Variants in TULP3 observed in about 807,000 individuals in gnomAD.
TULP3 encodes the protein tubby-related protein 3.
Under a neutral mutation model 50.7 loss-of-function variants are expected in TULP3, and 38 were observed. The observed-to-expected ratio is 0.75, with a 90% CI of 0.58 to 0.98. The LOEUF (loss-of-function observed/expected upper bound fraction) is 0.98. TULP3 is among the 50% of genes least tolerant of loss of function. The pLI is 0.00. For missense variants in TULP3, 550 were observed against 568.0 expected (o/e 0.97, Z 0.32); for synonymous variants, 183 against 196.6 (o/e 0.93, Z 0.58).
chr12:2,928,574 AT>A, intron 4 of TULP3, among the ~76,000 whole-genome samples: 1 of 152,210 alleles, frequency 6.6e-6, no homozygotes, highest in African/African-American at 2.4e-5. Flanking sequence ...GCTGAGGGGA[AT>A]AAAACTGCTG....
At position 2,940,693 on chromosome 12, in the gene TULP3, T is replaced by A. The variant is rs1004385907; in HGVS notation, c.*1249T>A. 5 of 1,551,524 alleles carry A rather than the reference T, an allele frequency of 3.2e-6. No individual in the cohort carries two copies. The highest frequency in any genetic ancestry group is 2.6e-6 in the Non-Finnish European group (3 of 1,146,898). On this transcript the variant is annotated 3_prime_UTR_variant, in exon 11 of 11. Transcript: ENST00000448120. ...TGTGGACTGACCTCTCACCTCCGCC[T>A]GTTGTTCCTGCACCACATCAGATAA...
Position 2,939,383 on chromosome 12 carries a change from G to A in TULP3, c.1268G>A (p.Cys423Tyr). 6.2e-7 allele frequency: 1 copy of A among 1,614,204 alleles called. No individual in the cohort carries two copies. Among genetic ancestry groups the A allele is most frequent in the Non-Finnish European group, 8.5e-7 (1 of 1,180,040 alleles). ...VFTLDYNYPLCAVQAFGIGLS... is the reference protein window; with the variant it reads ...VFTLDYNYPLYAVQAFGIGLS... ...ACACTGGATTACAACTACCCACTTT[G>A]TGCAGTACAGGCCTTTGGCATCGGT... The change falls in exon 11 of 11, where the codon TGT becomes TAT. Residue 423 changes from cysteine (C) to tyrosine (Y), a missense_variant. Cys to Tyr is a radical substitution (Grantham distance 194). Coordinates refer to ENST00000448120, the MANE Select transcript of TULP3 (RefSeq NM_003324.5). This position sits in a 1 kb window ranked among gnomAD's most constrained non-coding sequence, Gnocchi z 4.0.
At chr12:2,925,253 A>G (rs2098194050) in intron 4 of TULP3, among the ~76,000 whole-genome samples, 1 of 152,184 alleles carries the variant, frequency 6.6e-6, no homozygotes, top group South Asian at 2.1e-4. Flanking sequence ...TGGAAAAATT[A>G]CTGTGTACCA....
At chr12:2,894,563 AC>A in intron 1 of TULP3, among the ~76,000 whole-genome samples, 1 of 138,802 alleles carries the variant, frequency 7.2e-6, no homozygotes, top group East Asian at 2.2e-4. Flanking sequence ...ACACACACAC[AC>A]ACGCACGCAC....
At chr12:2,908,278 C>T (rs1161074824) in intron 1 of TULP3, among the ~76,000 whole-genome samples, 1 of 152,192 alleles carries the variant, frequency 6.6e-6, no homozygotes, top group Non-Finnish European at 1.5e-5. Context: ...TTTTCTGGCG[C>T]TAAGTTCCCA....
intron 1 of TULP3, among the ~76,000 whole-genome samples, chr12:2,906,600 A>G (rs1289485863): frequency 1.3e-5 from 2 of 150,556 alleles, no homozygotes; most frequent in African/African-American, 4.9e-5. Flanking sequence ...AAGTTCTGGG[A>G]TTACAGGCAT....
intron 2 of TULP3, among the ~76,000 whole-genome samples, chr12:2,910,622 G>T (rs2098184920): frequency 1.3e-5 from 2 of 152,172 alleles, no homozygotes. Flanking sequence ...ATCGTTAACA[G>T]TCAAGATGTC....
At chr12:2,906,066 T>C (rs892801755) in intron 1 of TULP3, among the ~76,000 whole-genome samples, 2 of 149,156 alleles carry the variant, frequency 1.3e-5, no homozygotes, top group Non-Finnish European at 3.0e-5. Flanking sequence ...AGTCTTGCAC[T>C]GTCACCTGGG....
chr12:2,907,475 CA>C (rs60356460), intron 1 of TULP3, among the ~76,000 whole-genome samples: 156 of 95,738 alleles, frequency 1.6e-3, no homozygotes, highest in Admixed American at 1.4e-3. Context: ...ACTCCGTCTC[CA>C]AAAAAAAAAA....
In TULP3 at chr12:2,930,291, A is replaced by G. The variant is rs770568354; in HGVS notation, c.438A>G (p.Ile146Met). The G allele has an allele frequency of 4.3e-6, 7 of 1,613,054 alleles. No homozygotes were observed. The highest frequency in any genetic ancestry group is 5.9e-6 in the Non-Finnish European group (7 of 1,179,452). The change falls in exon 5 of 11, where the codon ATA becomes ATG. Residue 146 changes from isoleucine to methionine, a missense_variant. Transcript: ENST00000448120. ...SVNFDEETDG[I>M]SQSACLERPN... ...ACTTCGATGAGGAGACTGATGGAATATCCCAGTCAGCATGTTTAGAAAGAC... is the reference window on the plus strand; with the variant it reads ...ACTTCGATGAGGAGACTGATGGAATGTCCCAGTCAGCATGTTTAGAAAGAC...
intron 4 of TULP3, among the ~76,000 whole-genome samples, chr12:2,924,786 C>T (rs1016155171): frequency 6.6e-6 from 1 of 151,420 alleles, no homozygotes; most frequent in Non-Finnish European, 1.5e-5. Context: ...CCCCAGAGTT[C>T]GAGGCTGCAG....
At chr12:2,927,733 G>A (rs1001471597) in intron 4 of TULP3, among the ~76,000 whole-genome samples, 6 of 152,080 alleles carry the variant, frequency 3.9e-5, no homozygotes, top group African/African-American at 7.2e-5. Flanking sequence ...TGTATGTACC[G>A]TATAAAAATA....
intron 3 of TULP3, among the ~76,000 whole-genome samples, chr12:2,921,412 A>AT (rs201972018): frequency 1.3e-3 from 198 of 151,646 alleles, no homozygotes; most frequent in African/African-American, 4.6e-3. Context: ...AAGTGCTGGG[A>AT]TTACAGGCTT....
chr12:2,916,722 C>T (rs1332178089), intron 2 of TULP3, among the ~76,000 whole-genome samples: 2 of 152,194 alleles, frequency 1.3e-5, no homozygotes, highest in Non-Finnish European at 2.9e-5. Context: ...ACACAAGTAG[C>T]ACTTCTCTCC....
intron 4 of TULP3, among the ~76,000 whole-genome samples, chr12:2,929,591 A>G (rs923129115): frequency 1.3e-5 from 2 of 150,882 alleles, no homozygotes; most frequent in Non-Finnish European, 3.0e-5. Context: ...CCCTGCCTAA[A>G]TTTTTTTTGT....
chr12:2,894,895 AAAAAT>A (rs575536108), intron 1 of TULP3, among the ~76,000 whole-genome samples: 161 of 152,332 alleles, frequency 1.1e-3, no homozygotes, highest in South Asian at 4.8e-3. Context: ...ACTCCATTTG[AAAAAT>A]AAAATAAAAT....
chr12:2,935,301 T>G (rs1403630545), intron 8 of TULP3, among the ~76,000 whole-genome samples: 1 of 152,234 alleles, frequency 6.6e-6, no homozygotes, highest in Non-Finnish European at 1.5e-5. Context: ...GCCTTTTGCC[T>G]TATCAAAGTC....
At position 2,920,836 on chromosome 12, in the gene TULP3, G is replaced by A; in HGVS notation, c.167G>A (p.Arg56Lys). Reference sequence around the variant, plus strand: ...ATGGTGCAGCCCAATCCAGAAGCCAGGCTACGTCGGGCAAAGCCAAGGGCC... The same window carrying A: ...ATGGTGCAGCCCAATCCAGAAGCCAAGCTACGTCGGGCAAAGCCAAGGGCC... ...PFMVQPNPEA[R>K]LRRAKPRASD... is the part of the protein sequence containing the mutation. Residue 56 changes from arginine to lysine, a missense_variant, in exon 3 of 11, where the codon AGG (arginine) becomes AAG (lysine). By Grantham distance (26) the Arg-to-Lys change is conservative. Transcript: ENST00000448120. 6.2e-7 allele frequency: 1 copy of A among 1,614,144 alleles called. No individual in the cohort carries two copies. Among genetic ancestry groups the A allele is most frequent in the Non-Finnish European group, 8.5e-7 (1 of 1,180,028 alleles).
Position 2,940,500 on chromosome 12 carries a change from G to A in TULP3, c.*1056G>A. 1.3e-6 allele frequency: 2 copies of A among 1,524,240 alleles called. No homozygotes were observed. Among genetic ancestry groups the A allele is most frequent in the South Asian group, 1.2e-5 (1 of 80,494 alleles). 94.4% of individuals were successfully genotyped at this position (1,524,240 alleles called of 1,614,324 possible). The stretch of plus-strand genomic sequence containing the variant: ...ATTATTACACCCCTCCACGTATTAT[G>A]TGACTCTTACACCAGTTCACCCTTC... On this transcript the variant is annotated 3_prime_UTR_variant, in exon 11 of 11. Transcript: ENST00000448120.
Sources: allele counts gnomAD v4.1 joint callset (sites outside exome capture counted in the v4.1 genomes callset), GRCh38; gene constraint gnomAD v4.1.1; non-coding constraint Gnocchi (gnomAD v3.1); transcripts MANE v1.5; gene names NCBI Gene and HGNC (gene_info 2026-07-23, HGNC 2026-07-21).